Variants in DLGAP3 observed in about 807,000 individuals in gnomAD.
DLGAP3 encodes DLG associated protein 3.
In DLGAP3, 17 loss-of-function variants were observed where a neutral mutation model predicts 81.2. That is an observed-to-expected ratio of 0.21 (90% confidence interval 0.14 to 0.31). The LOEUF (loss-of-function observed/expected upper bound fraction) is 0.31. DLGAP3 is among the 10% of genes least tolerant of loss of function. DLGAP3 has a pLI of 1.00. For synonymous variants in DLGAP3, 577 were observed against 587.4 expected (o/e 0.98, Z 0.26); for missense variants, 1,124 against 1,388.0 (o/e 0.81, Z 3.02).
chr1:34,905,346 C>A lies in DLGAP3; in HGVS notation c.38G>T (p.Arg13Leu). The change falls in exon 3 of 12, where the codon CGC becomes CTC. Residue 13 changes from arginine to leucine, a missense_variant. Transcript: ENST00000373347. Reference sequence around the variant, plus strand: ...CTGTTGGTCAGCAAAGCGGGCTGGGCGGGGATGGCTGCCTCGGTCGCCATG... The same window carrying A: ...CTGTTGGTCAGCAAAGCGGGCTGGGAGGGGATGGCTGCCTCGGTCGCCATG... ...GYHGDRGSHP[R>L]PARFADQQHM... 1 of 1,557,438 alleles carries A rather than the reference C, an allele frequency of 6.4e-7. No homozygotes were observed. The highest frequency in any genetic ancestry group is 8.7e-7 in the Non-Finnish European group (1 of 1,150,466).
At chr1:34,914,505 C>T (rs1455375305) in intron 1 of DLGAP3, among the ~76,000 whole-genome samples, 1 of 152,216 alleles carries the variant, frequency 6.6e-6, no homozygotes, top group Non-Finnish European at 1.5e-5. Flanking sequence ...TGGTGAGCAA[C>T]TGTGGCTTCT....
chr1:34,892,156 C>A (rs1477318252), intron 5 of DLGAP3, among the ~76,000 whole-genome samples: 1 of 151,892 alleles, frequency 6.6e-6, no homozygotes, highest in African/African-American at 2.4e-5. Context: ...CAAATCACAA[C>A]AAAGAGAGAG....
intron 8 of DLGAP3, among the ~76,000 whole-genome samples, chr1:34,884,544 T>G (rs1015428669): frequency 3.4e-4 from 51 of 152,166 alleles, no homozygotes; most frequent in African/African-American, 1.2e-3. Context: ...GGAGGAGTGT[T>G]ATATCTGCCA....
At chr1:34,877,065 A>G (rs1231875033) in intron 8 of DLGAP3, among the ~76,000 whole-genome samples, 1 of 152,228 alleles carries the variant, frequency 6.6e-6, no homozygotes, top group Non-Finnish European at 1.5e-5. Flanking sequence ...ATGTCCAGGT[A>G]TCAGAAACAG....
chr1:34,922,065 T>C (rs1436397784), intron 1 of DLGAP3, among the ~76,000 whole-genome samples: 7 of 152,194 alleles, frequency 4.6e-5, no homozygotes, highest in African/African-American at 1.7e-4. Flanking sequence ...ACCAACTTGT[T>C]GAATTTTGAA....
intron 1 of DLGAP3, among the ~76,000 whole-genome samples, chr1:34,925,114 C>T (rs932996721): frequency 6.6e-6 from 1 of 152,146 alleles, no homozygotes; most frequent in Admixed American, 6.5e-5. Context: ...CCACACACCC[C>T]CTTTAGAACA....
At chr1:34,889,902 AGC>A in intron 5 of DLGAP3, among the ~76,000 whole-genome samples, 1 of 152,320 alleles carries the variant, frequency 6.6e-6, no homozygotes, top group East Asian at 1.9e-4. Context: ...TGTTGGTCTC[AGC>A]GTTTTGGTAA....
At chr1:34,917,586 T>A (rs1007409991) in intron 1 of DLGAP3, among the ~76,000 whole-genome samples, 4 of 152,118 alleles carry the variant, frequency 2.6e-5, no homozygotes, top group African/African-American at 9.7e-5. Flanking sequence ...GCTCAAGTGA[T>A]CCTCCTGCCT....
chr1:34,914,583 G>A (rs1639688997), intron 1 of DLGAP3, among the ~76,000 whole-genome samples: 1 of 152,216 alleles, frequency 6.6e-6, no homozygotes, highest in African/African-American at 2.4e-5. Flanking sequence ...GTGGCCTCAA[G>A]GAAGCCTGTT....
chr1:34,877,366 T>C (rs903994797), intron 8 of DLGAP3, among the ~76,000 whole-genome samples: 8 of 152,192 alleles, frequency 5.3e-5, no homozygotes, highest in African/African-American at 1.7e-4. Context: ...CTTCCTTGTG[T>C]GGAGGTGTGG....
At chr1:34,891,771 G>T (rs1158648717) in intron 5 of DLGAP3, among the ~76,000 whole-genome samples, 1 of 152,160 alleles carries the variant, frequency 6.6e-6, no homozygotes, top group Non-Finnish European at 1.5e-5. Flanking sequence ...AAGCTATGCA[G>T]ATATGGGGGA....
Position 34,905,164 on chromosome 1 carries a change from C to T in DLGAP3, c.220G>A (p.Glu74Lys). Residue 74 changes from glutamate to lysine, a missense_variant, in exon 3 of 12, where the codon GAG becomes AAG. Physicochemically the swap from Glu to Lys is moderately conservative, Grantham distance 56. This residue lies in a region of DLGAP3 where 167 missense variants were observed against 172.1 expected (regional missense o/e 0.97). Coordinates refer to ENST00000373347, the MANE Select transcript of DLGAP3 (RefSeq NM_001080418.3). ...SLSEGPSVGP[E>K]GGPAGAGVGG... ...ACCCCGGCCCCCGCTGGCCCTCCCTCAGGGCCTACCGACGGCCCCTCACTC... is the reference window on the plus strand; with the variant it reads ...ACCCCGGCCCCCGCTGGCCCTCCCTTAGGGCCTACCGACGGCCCCTCACTC... The T allele has an allele frequency of 6.4e-7, 1 of 1,573,854 alleles. No individual in the cohort carries two copies. The highest frequency in any genetic ancestry group is 2.3e-5 in the East Asian group (1 of 42,900).
At chr1:34,928,099 G>C (rs1036125884) in intron 1 of DLGAP3, among the ~76,000 whole-genome samples, 1 of 152,178 alleles carries the variant, frequency 6.6e-6, no homozygotes, top group Non-Finnish European at 1.5e-5. Context: ...AATAAGAAGA[G>C]TTCAGAGGGC....
Position 34,902,115 on chromosome 1 carries a change from G to T in DLGAP3, c.1108-1842C>A, listed in dbSNP as rs1639469148. 6.6e-6 allele frequency among the ~76,000 whole-genome samples: 1 copy of T among 152,044 alleles called. No homozygotes were observed. On this transcript the variant is annotated intron_variant, in intron 3 of 11. Transcript: ENST00000373347. The surrounding 1 kb of genome is among the most constrained non-coding windows in gnomAD (Gnocchi z 4.4). Reference sequence around the variant, plus strand: ...GAAGCTGAGGGAGTCCGTGATGTCAGCCTACACTTCGGAAAATGAGGTGTA... The same window carrying T: ...GAAGCTGAGGGAGTCCGTGATGTCATCCTACACTTCGGAAAATGAGGTGTA...
intron 6 of DLGAP3, 75 bp from the exon 7 acceptor site, chr1:34,885,866 C>G (rs1639218316): frequency 1.1e-5 from 14 of 1,281,616 alleles, no homozygotes; most frequent in Non-Finnish European, 1.3e-5. Flanking sequence ...GCGCCCGACT[C>G]CCACCCTCAA....
At chr1:34,906,057 T>C (rs1639550851) in intron 2 of DLGAP3, among the ~76,000 whole-genome samples, 2 of 141,190 alleles carry the variant, frequency 1.4e-5, no homozygotes, top group African/African-American at 2.6e-5. Flanking sequence ...TATTTGTAAA[T>C]GTATATTAAT....
In DLGAP3 at chr1:34,895,763, A is replaced by G. The variant is rs954778355; in HGVS notation, c.1386+3906T>C. Among the ~76,000 whole-genome samples the G allele has an allele frequency of 2.0e-5, 3 of 152,260 alleles. No individual in the cohort carries two copies. The highest frequency in any genetic ancestry group is 4.4e-5 in the Non-Finnish European group (3 of 68,048). ...ACCAATGGAATAAATTTTAAGGTTC[A>G]TTAATAAACACATGCATTTATGGTA... On this transcript the variant is annotated intron_variant, in intron 5 of 11. Transcript: ENST00000373347. The surrounding 1 kb of genome is among the most constrained non-coding windows in gnomAD (Gnocchi z 4.5).
intron 11 of DLGAP3, among the ~76,000 whole-genome samples, chr1:34,866,784 A>C (rs1436908949): frequency 4.0e-5 from 6 of 151,374 alleles, no homozygotes; most frequent in East Asian, 2.0e-4. Context: ...AGCCGCCGCC[A>C]CCCCCCCAAC....
intron 1 of DLGAP3, among the ~76,000 whole-genome samples, chr1:34,913,682 C>A (rs1181163755): frequency 3.9e-5 from 6 of 152,148 alleles, no homozygotes; most frequent in Admixed American, 6.5e-5. Context: ...GTGTCTAGAA[C>A]AATGCCTGCC....
Sources: gnomAD v4.1 joint callset for allele counts (sites outside exome capture counted in the v4.1 genomes callset) on GRCh38, gnomAD v4.1.1 for gene constraint, gnomAD v4.1.1 regional missense constraint, Gnocchi (gnomAD v3.1) non-coding constraint, MANE v1.5 for transcripts, NCBI Gene and HGNC (gene_info 2026-07-23, HGNC 2026-07-21) for gene names.